LCLAT1: variants seen among roughly 807,000 people sequenced by gnomAD.
LCLAT1 encodes the protein lysocardiolipin acyltransferase 1, also known as 1-AGP acyltransferase 8.
In LCLAT1, 11 loss-of-function variants were observed where a neutral mutation model predicts 30.7. The observed-to-expected ratio is 0.36, with a 90% CI of 0.23 to 0.59. LCLAT1 has a LOEUF of 0.59. Among genes scored for constraint, LCLAT1 ranks in the 20% least tolerant of loss-of-function variants. LCLAT1 has a pLI of 0.77. For synonymous variants in LCLAT1, 155 were observed against 151.3 expected (o/e 1.02, Z -0.18); for missense variants, 402 against 458.6 (o/e 0.88, Z 1.13).
At chr2:30,552,275 A>G (rs1664714676) in intron 3 of LCLAT1, among the ~76,000 whole-genome samples, 2 of 152,222 alleles carry the variant, frequency 1.3e-5, no homozygotes, top group Non-Finnish European at 2.9e-5. Flanking sequence ...AACATGACCA[A>G]GAAGCCTCAT....
At chr2:30,619,734 G>T (rs139731565) in intron 5 of LCLAT1, among the ~76,000 whole-genome samples, 4 of 152,132 alleles carry the variant, frequency 2.6e-5, no homozygotes, top group African/African-American at 9.6e-5. Flanking sequence ...GAAGCCACGA[G>T]GATCTTCAGG....
chr2:30,555,057 G>T (rs1046636617), intron 3 of LCLAT1, among the ~76,000 whole-genome samples: 1 of 152,056 alleles, frequency 6.6e-6, no homozygotes, highest in East Asian at 1.9e-4. Context: ...TAACACTGAT[G>T]AATTTCTATA....
intron 5 of LCLAT1, chr2:30,607,301 G>C (rs897284303): frequency 3.3e-5 from 5 of 152,134 alleles, no homozygotes; most frequent in African/African-American, 1.2e-4. Context: ...TTCCCAAAGT[G>C]CTGGGATTAC....
chr2:30,481,164 G>A (rs1683301538), intron 1 of LCLAT1, among the ~76,000 whole-genome samples: 1 of 152,184 alleles, frequency 6.6e-6, no homozygotes, highest in Non-Finnish European at 1.5e-5. Context: ...GAAGAGGTTA[G>A]TTAGCACAGA....
chr2:30,636,297 G>T (rs1286720195), intron 5 of LCLAT1, among the ~76,000 whole-genome samples: 2 of 152,192 alleles, frequency 1.3e-5, no homozygotes, highest in Non-Finnish European at 2.9e-5. Context: ...GAATAGTGCT[G>T]TTGACAGTGG....
intron 2 of LCLAT1, among the ~76,000 whole-genome samples, chr2:30,531,071 C>G (rs1685960522): frequency 6.6e-6 from 1 of 152,050 alleles, no homozygotes; most frequent in Non-Finnish European, 1.5e-5. Context: ...CAAGACCAGC[C>G]TGGCCAACGT....
intron 1 of LCLAT1, among the ~76,000 whole-genome samples, chr2:30,505,730 T>C (rs1293451381): frequency 2.0e-5 from 3 of 148,420 alleles, no homozygotes; most frequent in Non-Finnish European, 4.4e-5. Flanking sequence ...CTCGTACTTG[T>C]AACGTTATAA....
intron 4 of LCLAT1, among the ~76,000 whole-genome samples, chr2:30,564,799 A>T (rs986566454): frequency 1.1e-4 from 16 of 152,214 alleles, no homozygotes; most frequent in African/African-American, 3.1e-4. Context: ...TTATAATTTA[A>T]GTCCTGAATC....
intron 1 of LCLAT1, chr2:30,459,686 G>C (rs1217093468): frequency 6.2e-7 from 1 of 1,613,926 alleles, no homozygotes; most frequent in East Asian, 2.2e-5. Context: ...TCTAGCTACT[G>C]CACGTACTTC....
chr2:30,595,917 T>C (rs1208373261), intron 5 of LCLAT1, among the ~76,000 whole-genome samples: 1 of 152,106 alleles, frequency 6.6e-6, no homozygotes, highest in Admixed American at 6.5e-5. Context: ...CCGGGTTAGT[T>C]TGTTGAGGAT....
chr2:30,584,138 C>T (rs535300431), intron 5 of LCLAT1, among the ~76,000 whole-genome samples: 1 of 152,124 alleles, frequency 6.6e-6, no homozygotes, highest in South Asian at 2.1e-4. Context: ...GTTTTTATTT[C>T]TATTTGTGGC....
At chr2:30,611,196 A>G (rs1422260350) in intron 5 of LCLAT1, among the ~76,000 whole-genome samples, 1 of 148,030 alleles carries the variant, frequency 6.8e-6, no homozygotes, top group Non-Finnish European at 1.5e-5. Flanking sequence ...GCTTCATTAT[A>G]TATGCATGAG....
chr2:30,450,962 C>T (rs1199628043), intron 1 of LCLAT1, among the ~76,000 whole-genome samples: 2 of 151,478 alleles, frequency 1.3e-5, no homozygotes, highest in Non-Finnish European at 2.9e-5. Flanking sequence ...ATTTATATAT[C>T]TGACCAAGGA....
At chr2:30,508,783 T>G (rs1684800252) in intron 1 of LCLAT1, among the ~76,000 whole-genome samples, 1 of 152,144 alleles carries the variant, frequency 6.6e-6, no homozygotes, top group Admixed American at 6.5e-5. Flanking sequence ...TTTAAAATAG[T>G]TTTTTTCTAG....
intron 1 of LCLAT1, among the ~76,000 whole-genome samples, chr2:30,448,162 C>T (rs1681360459): frequency 6.6e-6 from 1 of 152,142 alleles, no homozygotes; most frequent in East Asian, 1.9e-4. Flanking sequence ...GTGTACATGG[C>T]AGTAGATGAG....
intron 5 of LCLAT1, among the ~76,000 whole-genome samples, chr2:30,604,342 GCT>G: frequency 6.6e-6 from 1 of 152,102 alleles, no homozygotes; most frequent in African/African-American, 2.4e-5. Flanking sequence ...CAGCTGTCTA[GCT>G]GTCTAGCTGT....
chr2:30,604,318 AAG>A (rs1415347704), intron 5 of LCLAT1, among the ~76,000 whole-genome samples: 1 of 149,838 alleles, frequency 6.7e-6, no homozygotes, highest in Non-Finnish European at 1.5e-5. Context: ...AAAGACGACT[AAG>A]AGAAGATTTG....
At chr2:30,524,180 C>T (rs1685601711) in intron 1 of LCLAT1, among the ~76,000 whole-genome samples, 2 of 152,052 alleles carry the variant, frequency 1.3e-5, no homozygotes, top group Admixed American at 6.6e-5. Flanking sequence ...TCATTTTAGA[C>T]TGTGTGTTTC....
At chr2:30,486,470 G>T (rs1371986467) in intron 1 of LCLAT1, among the ~76,000 whole-genome samples, 4 of 152,088 alleles carry the variant, frequency 2.6e-5, no homozygotes. Context: ...CTCTTCTCTT[G>T]CTGCTCCCCA....
Sources: allele counts gnomAD v4.1 joint callset (sites outside exome capture counted in the v4.1 genomes callset), GRCh38; gene constraint gnomAD v4.1.1; transcripts MANE v1.5; gene names NCBI Gene and HGNC (gene_info 2026-07-23, HGNC 2026-07-21).